NXPE2: variants seen among roughly 807,000 people sequenced by gnomAD.
NXPE2 encodes the protein NXPE family member 2.
In NXPE2, 34 loss-of-function variants were observed where a neutral mutation model predicts 34.4. That is an observed-to-expected ratio of 0.99 (90% confidence interval 0.75 to 1.31). The LOEUF (loss-of-function observed/expected upper bound fraction) is 1.31. NXPE2 is among the 40% of genes most tolerant of loss of function. The probability of loss-of-function intolerance (pLI) is 0.00; values close to 1 mark genes in which losing one functional copy is unlikely to be tolerated. For missense variants in NXPE2, 649 were observed against 672.5 expected, an observed-to-expected ratio of 0.97 and a Z score of 0.39; for synonymous variants, 235 against 231.3, an observed-to-expected ratio of 1.02 and a Z score of -0.15.
the NXPE2 span, chr11:114,583,337 C>A: frequency 3.2e-6 from 2 of 619,288 alleles, no homozygotes; most frequent in South Asian, 3.1e-5. Context: ...ACAAGCCCAC[C>A]CAAGGAATCC....
the NXPE2 span, among the ~76,000 whole-genome samples, chr11:114,485,781 TAA>T: frequency 6.6e-6 from 1 of 152,138 alleles, no homozygotes. Flanking sequence ...TTATTTCACT[TAA>T]CATAATGACC....
the NXPE2 span, among the ~76,000 whole-genome samples, chr11:114,617,344 G>T: frequency 6.6e-6 from 1 of 151,648 alleles, no homozygotes; most frequent in South Asian, 2.1e-4. Context: ...TTACCTGGTG[G>T]ATAATAAGTA....
the NXPE2 span, among the ~76,000 whole-genome samples, chr11:114,508,092 C>T: frequency 6.6e-6 from 1 of 152,174 alleles, no homozygotes; most frequent in Non-Finnish European, 1.5e-5. Flanking sequence ...CATTCCTACA[C>T]AGCAACAACA....
chr11:114,635,072 G>A, the NXPE2 span, among the ~76,000 whole-genome samples: 3 of 151,854 alleles, frequency 2.0e-5, no homozygotes, highest in Non-Finnish European at 2.9e-5. Flanking sequence ...CCATTTTCAC[G>A]ATATTGATTC....
chr11:114,575,616 A>G, the NXPE2 span, among the ~76,000 whole-genome samples: 1 of 151,942 alleles, frequency 6.6e-6, no homozygotes. Context: ...AATAAAATAA[A>G]ATAAAAACCT....
intron 3 of NXPE2, among the ~76,000 whole-genome samples, chr11:114,702,916 A>G (rs1390147599): frequency 6.6e-6 from 1 of 152,082 alleles, no homozygotes; most frequent in Non-Finnish European, 1.5e-5. Flanking sequence ...GGCTTTCTCT[A>G]TCCCTTTTGA....
the NXPE2 span, among the ~76,000 whole-genome samples, chr11:114,568,030 C>T: frequency 6.6e-6 from 1 of 152,074 alleles, no homozygotes; most frequent in Non-Finnish European, 1.5e-5. Flanking sequence ...ACAGACATTG[C>T]CACAGTGTGT....
chr11:114,753,563 A>G, the NXPE2 span, among the ~76,000 whole-genome samples: 358 of 152,350 alleles, frequency 2.3e-3, 2 homozygotes, highest in African/African-American at 8.3e-3. Flanking sequence ...TAAATTATTC[A>G]TCAAATCATT....
the NXPE2 span, among the ~76,000 whole-genome samples, chr11:114,505,276 A>G: frequency 1.3e-5 from 2 of 152,148 alleles, no homozygotes; most frequent in Non-Finnish European, 2.9e-5. Flanking sequence ...AAATGGGGAG[A>G]ATGGAACCCA....
chr11:114,610,340 C>G, the NXPE2 span, among the ~76,000 whole-genome samples: 5 of 151,848 alleles, frequency 3.3e-5, no homozygotes, highest in Admixed American at 3.3e-4. Context: ...TAAGTATGGC[C>G]TCATGAGTAA....
At chr11:114,725,446 A>G in the NXPE2 span, among the ~76,000 whole-genome samples, 1 of 152,026 alleles carries the variant, frequency 6.6e-6, no homozygotes, top group African/African-American at 2.4e-5. Context: ...AACACACTCA[A>G]TAGCTGCTGA....
the NXPE2 span, among the ~76,000 whole-genome samples, chr11:114,809,504 T>C: frequency 2.5e-5 from 2 of 81,532 alleles, no homozygotes; most frequent in African/African-American, 4.1e-5. Context: ...AGTCTCAGGA[T>C]ACAAAATCAA....
At chr11:114,599,662 TG>T in the NXPE2 span, among the ~76,000 whole-genome samples, 33 of 152,276 alleles carry the variant, frequency 2.2e-4, no homozygotes, top group African/African-American at 6.7e-4. Flanking sequence ...GAAGGCAAAG[TG>T]GGAGCAGGTG....
the NXPE2 span, among the ~76,000 whole-genome samples, chr11:114,798,680 C>T: frequency 6.6e-6 from 1 of 152,230 alleles, no homozygotes; most frequent in Non-Finnish European, 1.5e-5. Context: ...CTGCACCCGG[C>T]CGGGACTCTT....
At chr11:114,491,881 C>T in the NXPE2 span, among the ~76,000 whole-genome samples, 2 of 152,116 alleles carry the variant, frequency 1.3e-5, no homozygotes, top group Non-Finnish European at 2.9e-5. Context: ...AAGCTGGAAA[C>T]CATCATTCTG....
At chr11:114,551,383 C>A in the NXPE2 span, 6 of 1,374,046 alleles carry the variant, frequency 4.4e-6, no homozygotes, top group East Asian at 1.6e-4. Context: ...CTTTGTCTAC[C>A]TATTGGATAC....
the NXPE2 span, among the ~76,000 whole-genome samples, chr11:114,665,319 G>A: frequency 2.6e-5 from 4 of 151,998 alleles, no homozygotes; most frequent in Non-Finnish European, 5.9e-5. Context: ...TTAGAATGTC[G>A]TGGTTATAAG....
the NXPE2 span, among the ~76,000 whole-genome samples, chr11:114,606,427 G>A: frequency 1.2e-3 from 178 of 150,490 alleles, 2 homozygotes; most frequent in African/African-American, 4.1e-3. Flanking sequence ...GTATTGCCTC[G>A]TGGGTAACCA....
intron 2 of NXPE2, among the ~76,000 whole-genome samples, chr11:114,693,855 G>T (rs1012711177): frequency 3.3e-5 from 5 of 152,156 alleles, no homozygotes; most frequent in Non-Finnish European, 7.3e-5. Context: ...GTTTTCTATT[G>T]CTGCTATAAC....
Sources: gnomAD v4.1 joint callset for allele counts (sites outside exome capture counted in the v4.1 genomes callset) on GRCh38, gnomAD v4.1.1 for gene constraint, MANE v1.5 for transcripts, NCBI Gene and HGNC (gene_info 2026-07-23, HGNC 2026-07-21) for gene names.